Variants in ENAH observed in about 807,000 individuals in gnomAD.
ENAH encodes ENAH actin regulator, also known as protein enabled homolog.
Under a neutral mutation model 78.7 loss-of-function variants are expected in ENAH, and 23 were observed. The observed-to-expected ratio is 0.29, with a 90% CI of 0.21 to 0.41. The LOEUF is 0.41. Ranked by LOEUF, ENAH falls within the 10% of genes least tolerant of loss-of-function variation. ENAH has a pLI of 1.00. For missense variants in ENAH, 544 were observed against 691.0 expected (o/e 0.79, Z 2.39); for synonymous variants, 226 against 241.0 (o/e 0.94, Z 0.58).
At chr1:225,604,469 G>C (rs757728140) in intron 1 of ENAH, among the ~76,000 whole-genome samples, 1 of 151,838 alleles carries the variant, frequency 6.6e-6, no homozygotes, top group Non-Finnish European at 1.5e-5. Flanking sequence ...TTATCCACTA[G>C]AAAAAAACAA....
At chr1:225,550,546 G>A (rs972409007) in intron 3 of ENAH, among the ~76,000 whole-genome samples, 1 of 152,108 alleles carries the variant, frequency 6.6e-6, no homozygotes, top group Non-Finnish European at 1.5e-5. Context: ...AAACTACTGA[G>A]ATTTTTTTAA....
chr1:225,553,787 GGTTT>G (rs1468307992), intron 3 of ENAH, among the ~76,000 whole-genome samples: 1 of 152,050 alleles, frequency 6.6e-6, no homozygotes, highest in Admixed American at 6.6e-5. Flanking sequence ...AAGTTCTAGT[GGTTT>G]ATTTTCTCAA....
At chr1:225,525,281 C>T (rs900876747) in intron 4 of ENAH, among the ~76,000 whole-genome samples, 1 of 152,212 alleles carries the variant, frequency 6.6e-6, no homozygotes, top group African/African-American at 2.4e-5. Context: ...CTCATACCAC[C>T]ACTTTGGATA....
intron 1 of ENAH, among the ~76,000 whole-genome samples, chr1:225,615,771 C>T (rs1218740509): frequency 2.7e-5 from 4 of 150,932 alleles, no homozygotes; most frequent in South Asian, 2.1e-4. Context: ...TCTGCCCGGC[C>T]GCCCCGTCTG....
At chr1:225,575,314 T>C (rs2096783296) in intron 1 of ENAH, among the ~76,000 whole-genome samples, 1 of 152,206 alleles carries the variant, frequency 6.6e-6, no homozygotes, top group Admixed American at 6.5e-5. Flanking sequence ...TGCAATCTTA[T>C]TCTTCCCTCT....
At chr1:225,602,168 T>C (rs770871725) in intron 1 of ENAH, among the ~76,000 whole-genome samples, 5 of 152,012 alleles carry the variant, frequency 3.3e-5, no homozygotes, top group Admixed American at 6.5e-5. Flanking sequence ...TTTGAATAGA[T>C]TGAAAGAAAA....
At chr1:225,575,576 A>T (rs1162054243) in intron 1 of ENAH, among the ~76,000 whole-genome samples, 2 of 152,166 alleles carry the variant, frequency 1.3e-5, no homozygotes, top group Non-Finnish European at 2.9e-5. Flanking sequence ...ATAGTCTAAA[A>T]CTACAGCAAT....
At chr1:225,614,409 T>A (rs929475876) in intron 1 of ENAH, among the ~76,000 whole-genome samples, 1 of 152,132 alleles carries the variant, frequency 6.6e-6, no homozygotes, top group African/African-American at 2.4e-5. Flanking sequence ...AAGAGACACA[T>A]GGGGAAGGTC....
chr1:225,617,809 A>G (rs1656065668), intron 1 of ENAH, among the ~76,000 whole-genome samples: 1 of 152,212 alleles, frequency 6.6e-6, no homozygotes, highest in Non-Finnish European at 1.5e-5. Context: ...CATCTAAACC[A>G]TCAGAAAGCA....
At chr1:225,653,442 C>G (rs1428482264), upstream of ENAH, among the ~76,000 whole-genome samples, 13 of 145,256 alleles carry the variant, frequency 8.9e-5, no homozygotes, top group South Asian at 2.2e-4. The surrounding 1 kb of genome is among the most constrained non-coding windows in gnomAD (Gnocchi z 4.3). Context: ...ACACCTCCGG[C>G]CAGTTGTCGG....
chr1:225,608,571 T>G (rs115978574), intron 1 of ENAH, among the ~76,000 whole-genome samples: 1,683 of 151,928 alleles, frequency 0.011, 10 homozygotes, highest in Non-Finnish European at 0.019. Flanking sequence ...ATCTGAGCAC[T>G]TTGGAAGGCA....
intron 1 of ENAH, among the ~76,000 whole-genome samples, chr1:225,641,635 C>G (rs1370384817): frequency 6.6e-6 from 1 of 152,096 alleles, no homozygotes; most frequent in Non-Finnish European, 1.5e-5. Flanking sequence ...GTTTGTAATC[C>G]TAGCACTTTA....
Position 225,519,469 on chromosome 1 carries a change from T to C in ENAH, c.531A>G (p.Glu177=). The change falls in exon 5 of 14, where the codon GAA becomes GAG. Residue 177 remains glutamate (E), a synonymous_variant. Coordinates refer to ENST00000366843, the MANE Select transcript of ENAH (RefSeq NM_018212.6). ...ERERLERERL[E]RERLERERLE... ...GTCGCTCCCTCTCCAGCCTTTCCCT[T>C]TCTAACCTCTCTCTCTCCAACCTTT... The C allele has an allele frequency of 2.5e-6, 4 of 1,611,502 alleles. No individual in the cohort carries two copies. The highest frequency in any genetic ancestry group is 3.4e-6 in the Non-Finnish European group (4 of 1,178,532).
At chr1:225,539,231 C>T (rs1467206760) in intron 3 of ENAH, among the ~76,000 whole-genome samples, 1 of 152,126 alleles carries the variant, frequency 6.6e-6, no homozygotes, top group East Asian at 1.9e-4. Flanking sequence ...CTCTCCATTG[C>T]TACTGTTCTT....
At chr1:225,549,796 T>TA (rs1165496910) in intron 3 of ENAH, among the ~76,000 whole-genome samples, 1 of 152,204 alleles carries the variant, frequency 6.6e-6, no homozygotes, top group Non-Finnish European at 1.5e-5. Flanking sequence ...TAGCCAGCAC[T>TA]AAATGAAAGC....
intron 1 of ENAH, chr1:225,652,329 C>T (rs1356660066): frequency 1.0e-6 from 1 of 985,264 alleles, no homozygotes; most frequent in Non-Finnish European, 1.2e-6. Context: ...TGTTTCCCAG[C>T]AACACGCACG....
intron 1 of ENAH, among the ~76,000 whole-genome samples, chr1:225,576,551 G>A (rs2096789082): frequency 3.3e-5 from 5 of 152,260 alleles, no homozygotes; most frequent in South Asian, 2.1e-4. Context: ...AAGCTGAAAC[G>A]TCATTATCTG....
chr1:225,503,673 A>AAAAC lies in ENAH; in HGVS notation c.1539-2604_1539-2603insGTTT, dbSNP rs1419711456. 2.2e-4 allele frequency among the ~76,000 whole-genome samples: 33 copies of AAAAC among 150,200 alleles called. 2 individuals carry two copies. Among genetic ancestry groups the AAAAC allele is most frequent in the Admixed American group, 2.1e-3 (32 of 15,086 alleles). ...CAAACCACCTCAAAAAAAAAAAAAA[A>AAAAC]AAAAACACAAAACTATTTCACTACT... On this transcript the variant is annotated intron_variant, in intron 11 of 13. Transcript: ENST00000366843.
intron 1 of ENAH, among the ~76,000 whole-genome samples, chr1:225,582,458 CT>C (rs35753928): frequency 0.091 from 13,871 of 152,188 alleles, 697 homozygotes; most frequent in Admixed American, 0.15. Context: ...ATGTTTACAG[CT>C]TTTAGCCTGA....
Sources: gnomAD v4.1 joint callset for allele counts (sites outside exome capture counted in the v4.1 genomes callset) on GRCh38, gnomAD v4.1.1 for gene constraint, Gnocchi (gnomAD v3.1) non-coding constraint, MANE v1.5 for transcripts, NCBI Gene and HGNC (gene_info 2026-07-23, HGNC 2026-07-21) for gene names.